CEP170B: variants seen among roughly 807,000 people sequenced by gnomAD.
CEP170B encodes centrosomal protein 170B, also known as centrosomal protein of 170 kDa protein B.
CEP170B carries 55 observed loss-of-function variants against 120.6 expected under a neutral mutation model. The observed-to-expected ratio is 0.46, with a 90% CI of 0.37 to 0.57. The LOEUF is 0.57. Ranked by LOEUF, CEP170B falls within the 20% of genes least tolerant of loss-of-function variation. The pLI is 0.00. For synonymous variants in CEP170B, 1,033 were observed against 954.5 expected (o/e 1.08, Z -1.52); for missense variants, 2,212 against 2,253.3 (o/e 0.98, Z 0.37).
intron 2 of CEP170B, among the ~76,000 whole-genome samples, chr14:104,874,177 T>A (rs914166982): frequency 6.6e-6 from 1 of 152,046 alleles, no homozygotes; most frequent in Non-Finnish European, 1.5e-5. Flanking sequence ...GGGGGTCGCC[T>A]GTGTCTGGAG....
chr14:104,883,409 C>T lies in CEP170B; in HGVS notation c.952C>T (p.Leu318=). The T allele has an allele frequency of 6.3e-7, 1 of 1,586,312 alleles. No individual in the cohort carries two copies. The highest frequency in any genetic ancestry group is 8.6e-7 in the Non-Finnish European group (1 of 1,167,910). The part of the protein sequence containing the change: ...VSAETKVADW[L]VQNDPSLLHR... ...GGCTGAGACCAAGGTGGCCGACTGGCTGGTGCAGAATGACCCGAGCCTGCT... is the reference window on the plus strand; with the variant it reads ...GGCTGAGACCAAGGTGGCCGACTGGTTGGTGCAGAATGACCCGAGCCTGCT... The change falls in exon 8 of 19, where the codon CTG becomes TTG. Residue 318 remains leucine (L), a synonymous_variant. Coordinates refer to ENST00000414716, the MANE Select transcript of CEP170B (RefSeq NM_001112726.3).
In CEP170B at chr14:104,868,323, G is replaced by A. The variant is rs1895293601; in HGVS notation, c.-27-101G>A. ...AGCCCAGCTTCTCCGGAAGCTGCCA[G>A]CTTCCCTTAGAGGGTCAGGATCTGG... On this transcript the variant is annotated intron_variant, in intron 1 of 18. Transcript: ENST00000414716. The surrounding 1 kb of genome is among the most constrained non-coding windows in gnomAD (Gnocchi z 5.9). The A allele has an allele frequency of 3.7e-6, 3 of 810,284 alleles. No homozygotes were observed. The highest frequency in any genetic ancestry group is 5.7e-6 in the Non-Finnish European group (3 of 526,766). 50.2% of individuals were successfully genotyped at this position (810,284 alleles called of 1,614,324 possible). A position where few individuals can be genotyped will look rare whatever the true frequency, so the allele number is the denominator to read the frequency against.
Position 104,883,973 on chromosome 14 carries a change from A to G in CEP170B, c.1194A>G (p.Leu398=). The change falls in exon 9 of 19, where the codon CTA becomes CTG. Residue 398 remains leucine, a synonymous_variant. Transcript: ENST00000414716. ...TCAAGCGGGACCCCCAGGAGCTACT[A>G]CATAACCAGCAGGCCTTTGTCATCG... The part of the protein sequence containing the change: ...RQIKRDPQEL[L]HNQQAFVIEF... 1 of 1,609,876 alleles carries G rather than the reference A, an allele frequency of 6.2e-7. No individual in the cohort carries two copies. Among genetic ancestry groups the G allele is most frequent in the Non-Finnish European group, 8.5e-7 (1 of 1,178,426 alleles).
intron 18 of CEP170B, 58 bp from the exon 19 acceptor site, chr14:104,894,653 C>T (rs1293279616): frequency 3.3e-5 from 52 of 1,583,432 alleles, no homozygotes; most frequent in Non-Finnish European, 4.5e-5. Flanking sequence ...AACCCTGACT[C>T]ACAGGGTGGG....
upstream of CEP170B, among the ~76,000 whole-genome samples, chr14:104,865,124 G>T (rs1033051936): frequency 6.6e-6 from 1 of 150,498 alleles, no homozygotes; most frequent in Non-Finnish European, 1.5e-5. The surrounding 1 kb of genome is among the most constrained non-coding windows in gnomAD (Gnocchi z 6.7). Flanking sequence ...GGGGCTACCG[G>T]GGCGGGCTCA....
In CEP170B at chr14:104,886,110, A is replaced by C. The variant is rs1896481894; in HGVS notation, c.2015A>C (p.Tyr672Ser). Residue 672 changes from tyrosine (Y) to serine (S), a missense_variant, in exon 11 of 19, where the codon TAC (tyrosine) becomes TCC (serine). This residue lies in a region of CEP170B where 2,166 missense variants were observed against 2,166.7 expected (regional missense o/e 1.00). Coordinates refer to ENST00000414716, the MANE Select transcript of CEP170B (RefSeq NM_001112726.3). Reference sequence around the variant, plus strand: ...CGCTGGGCCAGCCTGGCTGACAGCTACTCAGACCCGGGCCTCACAGGTAAG... The same window carrying C: ...CGCTGGGCCAGCCTGGCTGACAGCTCCTCAGACCCGGGCCTCACAGGTAAG... ...VSRWASLADS[Y>S]SDPGLTEDGL... 8 of 1,544,312 alleles carry C rather than the reference A, an allele frequency of 5.2e-6. No individual in the cohort carries two copies. Among genetic ancestry groups the C allele is most frequent in the Non-Finnish European group, 7.0e-6 (8 of 1,145,612 alleles).
chr14:104,883,707 G>T (rs1021551934), intron 8 of CEP170B, 124 bp from the exon 9 acceptor site: 21 of 1,131,984 alleles, frequency 1.9e-5, no homozygotes, highest in Non-Finnish European at 2.6e-5. Context: ...CCCTGTGTGG[G>T]GGGGCCCTGA....
At position 104,883,440 on chromosome 14, in the gene CEP170B, G is replaced by A. The variant is rs546007352; in HGVS notation, c.983G>A (p.Arg328Gln). ...LVQNDPSLLH[R>Q]VGPGDDRHST... ...CAGAATGACCCGAGCCTGCTGCACCGGGTTGGCCCTGGGGATGACCGCCAC... is the reference window on the plus strand; with the variant it reads ...CAGAATGACCCGAGCCTGCTGCACCAGGTTGGCCCTGGGGATGACCGCCAC... The change falls in exon 8 of 19, where the codon CGG (arginine) becomes CAG (glutamine). Residue 328 changes from arginine to glutamine, a missense_variant. By Grantham distance (43) the Arg-to-Gln change is conservative. Coordinates refer to ENST00000414716, the MANE Select transcript of CEP170B (RefSeq NM_001112726.3). 1.0e-5 allele frequency: 16 copies of A among 1,565,424 alleles called. No homozygotes were observed. Among genetic ancestry groups the A allele is most frequent in the Non-Finnish European group, 1.3e-5 (15 of 1,156,340 alleles).
chr14:104,892,865 C>T (rs1896910636), intron 13 of CEP170B, 111 bp from the exon 14 acceptor site: 2 of 1,230,424 alleles, frequency 1.6e-6, no homozygotes, highest in Non-Finnish European at 2.3e-6. Flanking sequence ...CCCCAGGCCC[C>T]ACCTCTGGCC....
At chr14:104,873,030 C>A (rs1895655581) in intron 2 of CEP170B, among the ~76,000 whole-genome samples, 1 of 152,008 alleles carries the variant, frequency 6.6e-6, no homozygotes, top group Admixed American at 6.6e-5. Flanking sequence ...CCGGGGGCCA[C>A]TTCTCATTGG....
intron 13 of CEP170B, among the ~76,000 whole-genome samples, 192 bp from the exon 14 acceptor site, chr14:104,892,784 T>C (rs1050535158): frequency 6.6e-6 from 1 of 152,220 alleles, no homozygotes; most frequent in East Asian, 1.9e-4. Flanking sequence ...TGGCCTCCCT[T>C]TGGGGCCGTG....
At chr14:104,892,691 G>A (rs1257853961) in intron 13 of CEP170B, among the ~76,000 whole-genome samples, 3 of 152,262 alleles carry the variant, frequency 2.0e-5, no homozygotes, top group Non-Finnish European at 4.4e-5. Flanking sequence ...GCCTGCCCCA[G>A]AGCCAGCAAG....
At chr14:104,864,571 G>A (rs1895086835), upstream of CEP170B, among the ~76,000 whole-genome samples, 1 of 152,140 alleles carries the variant, frequency 6.6e-6, no homozygotes, top group Non-Finnish European at 1.5e-5. The surrounding 1 kb of genome is among the most constrained non-coding windows in gnomAD (Gnocchi z 5.9). Flanking sequence ...AACCCCGAGC[G>A]CCTCCGTAGT....
intron 6 of CEP170B, 80 bp from the exon 7 acceptor site, chr14:104,882,648 C>T (rs748981724): frequency 3.1e-4 from 371 of 1,181,712 alleles, no homozygotes; most frequent in Non-Finnish European, 4.0e-4. Flanking sequence ...AGAGTCCAGC[C>T]TCTCCTGGGC....
At chr14:104,892,861 G>A in intron 13 of CEP170B, 115 bp from the exon 14 acceptor site, 1 of 1,173,838 alleles carries the variant, frequency 8.5e-7, no homozygotes, top group African/African-American at 1.5e-5. Flanking sequence ...CCTCCCCCAG[G>A]CCCCACCTCT....
rs1306278404 is a variant in CEP170B at position 104,884,615 on chromosome 14, G to C, written c.1770+66G>C. ...GGGGGTGGAGGCGATGCCGGGGGTG[G>C]CGAGTGAGAGCCCTCGTGGGGAACG... On this transcript the variant is annotated intron_variant, in intron 9 of 18. Transcript: ENST00000414716. 7.6e-6 allele frequency: 11 copies of C among 1,445,502 alleles called. No individual in the cohort carries two copies. The African/African-American group carries it at 1.3e-4, about 18-fold the overall frequency. 89.5% of individuals were successfully genotyped at this position (1,445,502 alleles called of 1,614,324 possible). A position where few individuals can be genotyped will look rare whatever the true frequency, so the allele number is the denominator to read the frequency against.
At chr14:104,894,457 A>G in intron 17 of CEP170B, 79 bp downstream of exon 17, 1 of 1,605,846 alleles carries the variant, frequency 6.2e-7, no homozygotes, top group Admixed American at 1.7e-5. Flanking sequence ...ACCTTGTCCC[A>G]GCTCCTGCAC....
chr14:104,876,740 G>A (rs1482714949), intron 3 of CEP170B, among the ~76,000 whole-genome samples: 1 of 152,260 alleles, frequency 6.6e-6, no homozygotes, highest in Non-Finnish European at 1.5e-5. Context: ...CTGCAGATGG[G>A]AAGGGAAGCA....
chr14:104,887,859 G>T lies in CEP170B; in HGVS notation c.3620G>T (p.Arg1207Leu), dbSNP rs762915591. ...AGTGTGGAGTTGTGCTGTGCCAGCC[G>T]CAAGCCCACCATGGCCGAAGCACGG... ...GRSVELCCAS[R>L]KPTMAEARAV... Residue 1207 changes from arginine (R) to leucine (L), a missense_variant, in exon 12 of 19, where the codon CGC becomes CTC. Physicochemically the swap from Arg to Leu is moderately radical, Grantham distance 102. This residue lies in a region of CEP170B where 2,166 missense variants were observed against 2,166.7 expected (regional missense o/e 1.00). Transcript: ENST00000414716. 4 of 1,577,386 alleles carry T rather than the reference G, an allele frequency of 2.5e-6. No individual in the cohort carries two copies. The highest frequency in any genetic ancestry group is 2.3e-5 in the South Asian group (2 of 86,932).
Sources: allele counts gnomAD v4.1 joint callset (sites outside exome capture counted in the v4.1 genomes callset), GRCh38; gene constraint gnomAD v4.1.1; regional missense constraint gnomAD v4.1.1; non-coding constraint Gnocchi (gnomAD v3.1); transcripts MANE v1.5; gene names NCBI Gene and HGNC (gene_info 2026-07-23, HGNC 2026-07-21).